The following ERG variants were observed in gnomAD, a reference collection of about 807,000 sequenced individuals.
ERG encodes the protein transcriptional regulator ERG.
In ERG, 9 loss-of-function variants were observed where a neutral mutation model predicts 55.3. The ratio of observed to expected loss-of-function variants is 0.16; its 90% CI spans 0.10 to 0.28. The LOEUF is 0.28. Among genes scored for constraint, ERG ranks in the 10% least tolerant of loss-of-function variants. The probability of loss-of-function intolerance (pLI) is 1.00; values close to 1 mark genes in which losing one functional copy is unlikely to be tolerated. For missense variants in ERG, 434 were observed against 631.6 expected, an observed-to-expected ratio of 0.69 and a Z score of 3.35; for synonymous variants, 223 against 237.3, an observed-to-expected ratio of 0.94 and a Z score of 0.55.
chr21:38,573,031 C>T (rs1465392723), intron 2 of ERG, among the ~76,000 whole-genome samples: 1 of 152,222 alleles, frequency 6.6e-6, no homozygotes, highest in Non-Finnish European at 1.5e-5. Flanking sequence ...CAACCTGGAG[C>T]TCACAAAAAC....
chr21:38,390,575 G>T (rs868431743), intron 9 of ERG, among the ~76,000 whole-genome samples: 4 of 152,282 alleles, frequency 2.6e-5, no homozygotes, highest in Non-Finnish European at 4.4e-5. Context: ...ATGATGATGA[G>T]AAGAGACACG....
intron 3 of ERG, among the ~76,000 whole-genome samples, chr21:38,408,680 C>T (rs535780576): frequency 5.3e-5 from 8 of 152,272 alleles, no homozygotes; most frequent in African/African-American, 1.9e-4. Context: ...CTAGTCTCCT[C>T]CACACTCCAT....
intron 1 of ERG, among the ~76,000 whole-genome samples, chr21:38,660,998 G>A (rs1364091896): frequency 1.3e-5 from 2 of 152,036 alleles, no homozygotes; most frequent in Non-Finnish European, 2.9e-5. Context: ...CCGGGAGGAA[G>A]AGGAGGAGGA....
intron 1 of ERG, among the ~76,000 whole-genome samples, chr21:38,649,612 T>C (rs1397332299): frequency 6.6e-6 from 1 of 152,234 alleles, no homozygotes. Flanking sequence ...AAATATAATT[T>C]AGACTTTAAA....
At chr21:38,459,448 C>T (rs1004299405) in intron 1 of ERG, among the ~76,000 whole-genome samples, 1 of 152,236 alleles carries the variant, frequency 6.6e-6, no homozygotes, top group Non-Finnish European at 1.5e-5. Flanking sequence ...GGCATGGTTG[C>T]CATTACAATT....
upstream of ERG, among the ~76,000 whole-genome samples, chr21:38,499,532 T>C (rs2059405408): frequency 6.6e-6 from 1 of 152,114 alleles, no homozygotes; most frequent in Admixed American, 6.5e-5. Context: ...AAGAACACAA[T>C]AGACTAAATC....
intron 3 of ERG, among the ~76,000 whole-genome samples, chr21:38,419,666 C>T (rs971642451): frequency 1.3e-5 from 2 of 152,166 alleles, no homozygotes; most frequent in Non-Finnish European, 2.9e-5. Context: ...TTTCTTAAAT[C>T]TGTTCTGAAA....
intron 2 of ERG, among the ~76,000 whole-genome samples, chr21:38,555,521 A>C (rs559688830): frequency 2.0e-5 from 3 of 152,198 alleles, no homozygotes; most frequent in African/African-American, 7.2e-5. Flanking sequence ...CCTTAACATA[A>C]AGGATGTAAC....
At chr21:38,393,413 G>A (rs1186614297) in intron 6 of ERG, among the ~76,000 whole-genome samples, 1 of 152,150 alleles carries the variant, frequency 6.6e-6, no homozygotes, top group Admixed American at 6.5e-5. Context: ...TTACATAACT[G>A]TTTCAAAATT....
chr21:38,599,509 C>T (rs1312343787), intron 1 of ERG, among the ~76,000 whole-genome samples: 1 of 152,162 alleles, frequency 6.6e-6, no homozygotes, highest in African/African-American at 2.4e-5. Context: ...CATTAATAGC[C>T]CTTGTTGTCC....
At chr21:38,625,520 A>G (rs1056279358) in intron 1 of ERG, among the ~76,000 whole-genome samples, 6 of 152,164 alleles carry the variant, frequency 3.9e-5, no homozygotes, top group Non-Finnish European at 7.3e-5. Context: ...AGAGGCTGAA[A>G]CATCCCTTAG....
chr21:38,620,284 A>C (rs971674327), intron 1 of ERG, among the ~76,000 whole-genome samples: 50 of 151,364 alleles, frequency 3.3e-4, no homozygotes, highest in Admixed American at 2.6e-4. Context: ...TATGCAACAG[A>C]AAGGCGATGA....
At chr21:38,424,187 GCTCTCT>G (rs1227355474) in intron 2 of ERG, among the ~76,000 whole-genome samples, 5 of 110,158 alleles carry the variant, frequency 4.5e-5, no homozygotes, top group Admixed American at 1.7e-4. Flanking sequence ...CAGAGCTCGA[GCTCTCT>G]CTCTCTCTCT....
At chr21:38,655,735 G>T (rs1228837701) in intron 1 of ERG, among the ~76,000 whole-genome samples, 1 of 152,176 alleles carries the variant, frequency 6.6e-6, no homozygotes, top group Non-Finnish European at 1.5e-5. Context: ...ATGGTTTTAA[G>T]AAGTGAAGTT....
intron 1 of ERG, chr21:38,575,894 C>G (rs753022766): frequency 1.6e-6 from 1 of 636,342 alleles, no homozygotes; most frequent in African/African-American, 1.8e-5. Flanking sequence ...CCTCTAGGTA[C>G]GTGTGGTCCA....
rs1988215730 is a variant in ERG at position 38,396,378 on chromosome 21, C to CTTTAT, written c.746-3935_746-3934insATAAA. Among the ~76,000 whole-genome samples the CTTTAT allele has an allele frequency of 2.0e-5, 3 of 152,332 alleles. 1 individual carries two copies. In the South Asian group the frequency reaches 6.2e-4, roughly 32 times the overall value. On this transcript the variant is annotated intron_variant, in intron 6 of 9. Coordinates refer to ENST00000288319, the MANE Select transcript of ERG (RefSeq NM_182918.4). ...TTTTAGCCATTTGCTAAGATACAGG[C>CTTTAT]TTTACATAACACCTAACTGAGAGAT...
chr21:38,630,099 T>C (rs558260918), intron 1 of ERG, among the ~76,000 whole-genome samples: 2 of 151,976 alleles, frequency 1.3e-5, no homozygotes, highest in South Asian at 2.1e-4. Context: ...CCAGGGGCTA[T>C]GGAAAGGGGG....
In ERG at chr21:38,396,488, GA is replaced by G. The variant is rs139421653; in HGVS notation, c.746-4045del. Among the ~76,000 whole-genome samples, 4 of 152,364 alleles carry G rather than the reference GA, an allele frequency of 2.6e-5. No individual in the cohort carries two copies. In the East Asian group the frequency reaches 7.7e-4, roughly 29 times the overall value. On this transcript the variant is annotated intron_variant, in intron 6 of 9. Coordinates refer to ENST00000288319, the MANE Select transcript of ERG (RefSeq NM_182918.4). Reference sequence around the variant, plus strand: ...GAGCTCCAATGGAGGAATAATTTAAGATTCCAAGAAACCCCTGAAGAGCAGC... The same window carrying G: ...GAGCTCCAATGGAGGAATAATTTAAGTTCCAAGAAACCCCTGAAGAGCAGC...
At chr21:38,497,638 A>G (rs561466701) in intron 1 of ERG, among the ~76,000 whole-genome samples, 5 of 152,206 alleles carry the variant, frequency 3.3e-5, no homozygotes, top group Non-Finnish European at 2.9e-5. Context: ...AAACTTAGGC[A>G]AGGAAATGCA....
Sources: allele counts gnomAD v4.1 joint callset (sites outside exome capture counted in the v4.1 genomes callset), GRCh38; gene constraint gnomAD v4.1.1; transcripts MANE v1.5; gene names NCBI Gene and HGNC (gene_info 2026-07-23, HGNC 2026-07-21).